The following RILPL1 variants were observed in gnomAD, a reference collection of about 807,000 sequenced individuals.
RILPL1 encodes the protein RILP-like protein 1.
In RILPL1, 33 loss-of-function variants were observed where a neutral mutation model predicts 50.3. The ratio of observed to expected loss-of-function variants is 0.66; its 90% CI spans 0.50 to 0.88. The LOEUF (loss-of-function observed/expected upper bound fraction) is 0.88. Ranked by LOEUF, RILPL1 falls within the 40% of genes least tolerant of loss-of-function variation. The pLI is 0.00. For synonymous variants in RILPL1, 205 were observed against 228.6 expected (o/e 0.90, Z 0.93); for missense variants, 418 against 542.5 (o/e 0.77, Z 2.28).
intron 6 of RILPL1, among the ~76,000 whole-genome samples, chr12:123,476,805 C>T (rs1881623454): frequency 6.6e-6 from 1 of 152,246 alleles, no homozygotes; most frequent in Non-Finnish European, 1.5e-5. Flanking sequence ...TATTTTGTTA[C>T]AGCAGTTCTA....
intron 2 of RILPL1, among the ~76,000 whole-genome samples, chr12:123,512,975 GGTCT>G (rs1291791029): frequency 7.2e-6 from 1 of 138,022 alleles, no homozygotes; most frequent in African/African-American, 2.8e-5. Flanking sequence ...GTGTGTGTGA[GGTCT>G]GTGTGTGGTA....
At chr12:123,480,042 CA>C (rs1881857921) in intron 6 of RILPL1, among the ~76,000 whole-genome samples, 1 of 151,724 alleles carries the variant, frequency 6.6e-6, no homozygotes, top group African/African-American at 2.4e-5. Flanking sequence ...TAGAAAATTA[CA>C]GTTAGAAAAA....
At chr12:123,487,964 T>C (rs1466275697) in intron 4 of RILPL1, among the ~76,000 whole-genome samples, 1 of 152,126 alleles carries the variant, frequency 6.6e-6, no homozygotes, top group Non-Finnish European at 1.5e-5. Flanking sequence ...CAAGGAAGCT[T>C]TTGCAAGTCA....
At chr12:123,516,202 C>T (rs940554377) in intron 2 of RILPL1, among the ~76,000 whole-genome samples, 2 of 152,106 alleles carry the variant, frequency 1.3e-5, no homozygotes, top group Admixed American at 6.6e-5. Flanking sequence ...AACATGGGAA[C>T]GATGATGACC....
intron 2 of RILPL1, among the ~76,000 whole-genome samples, chr12:123,510,739 G>T (rs1343575925): frequency 9.5e-6 from 1 of 105,604 alleles, no homozygotes; most frequent in African/African-American, 3.3e-5. Flanking sequence ...TGTCTGGTGT[G>T]TGTGTGAGGT....
intron 2 of RILPL1, among the ~76,000 whole-genome samples, chr12:123,521,225 T>C (rs1884988488): frequency 6.6e-6 from 1 of 152,060 alleles, no homozygotes; most frequent in African/African-American, 2.4e-5. Flanking sequence ...GACAAGCTTA[T>C]GAGGGAGGTA....
chr12:123,500,016 C>G (rs1883272925), intron 2 of RILPL1, among the ~76,000 whole-genome samples: 1 of 151,760 alleles, frequency 6.6e-6, no homozygotes, highest in Non-Finnish European at 1.5e-5. Flanking sequence ...ACTGCAGGCT[C>G]CTCCTCCCGG....
chr12:123,472,783 G>A, intron 6 of RILPL1, 101 bp from the exon 7 acceptor site: 1 of 1,287,148 alleles, frequency 7.8e-7, no homozygotes, highest in East Asian at 2.5e-5. Context: ...ACTTAGAAGG[G>A]AGCAAATCAA....
chr12:123,523,963 G>A (rs1031514692), intron 1 of RILPL1, among the ~76,000 whole-genome samples: 1 of 152,226 alleles, frequency 6.6e-6, no homozygotes, highest in African/African-American at 2.4e-5. Flanking sequence ...GGATACGGGG[G>A]TCCGAACGTT....
chr12:123,480,168 T>C (rs913444920), intron 6 of RILPL1, among the ~76,000 whole-genome samples: 2 of 150,812 alleles, frequency 1.3e-5, no homozygotes, highest in African/African-American at 2.4e-5. Flanking sequence ...CTTTTTTTTT[T>C]TTTTTTTTTT....
In RILPL1 at chr12:123,503,604, CCTT is replaced by C. The variant is rs1883545241; in HGVS notation, c.461-4071_461-4069del. Among the ~76,000 whole-genome samples the C allele has an allele frequency of 4.6e-5, 7 of 152,150 alleles. No homozygotes were observed. The South Asian group carries it at 1.5e-3, about 32-fold the overall frequency. On this transcript the variant is annotated intron_variant, in intron 2 of 6. Transcript: ENST00000376874. ...AGTCTCTGCCTCTGTGGTCCCGTGG[CCTT>C]CTCCTCTTCTGTCAGTGCCAAATCT...
At chr12:123,504,735 TCA>T (rs757418039) in intron 2 of RILPL1, among the ~76,000 whole-genome samples, 7 of 152,318 alleles carry the variant, frequency 4.6e-5, no homozygotes, top group East Asian at 1.9e-4. Flanking sequence ...GTTTCTAACA[TCA>T]GTCTCATTTT....
At position 123,485,671 on chromosome 12, in the gene RILPL1, C is replaced by A; in HGVS notation, c.936G>T (p.Lys312Asn). 6.2e-7 allele frequency: 1 copy of A among 1,613,852 alleles called. No individual in the cohort carries two copies. The highest frequency in any genetic ancestry group is 8.5e-7 in the Non-Finnish European group (1 of 1,179,798). Reference protein sequence around the residue: ...VLHERNELKSKVFLLQEELAY... With the variant: ...VLHERNELKSNVFLLQEELAY... Reference sequence around the variant, plus strand: ...CCAGCTCCTCCTGCAGCAAGAACACCTTGGACTTGAGCTCGTTCCTCTCGT... The same window carrying A: ...CCAGCTCCTCCTGCAGCAAGAACACATTGGACTTGAGCTCGTTCCTCTCGT... The change falls in exon 5 of 7, where the codon AAG becomes AAT. Residue 312 changes from lysine to asparagine, a missense_variant. Coordinates refer to ENST00000376874, the MANE Select transcript of RILPL1 (RefSeq NM_178314.5). The surrounding 1 kb of genome is among the most constrained non-coding windows in gnomAD (Gnocchi z 4.0).
chr12:123,528,607 T>G (rs1885343814), intron 1 of RILPL1, among the ~76,000 whole-genome samples: 1 of 151,752 alleles, frequency 6.6e-6, no homozygotes, highest in African/African-American at 2.4e-5. Flanking sequence ...TTTTGTATTT[T>G]TAGTAGAGAC....
intron 2 of RILPL1, among the ~76,000 whole-genome samples, chr12:123,506,573 G>A (rs900706859): frequency 1.3e-5 from 2 of 152,170 alleles, no homozygotes; most frequent in African/African-American, 2.4e-5. Context: ...ATTATGGGAA[G>A]TGTGGACAGG....
At chr12:123,508,602 C>T (rs549882995) in intron 2 of RILPL1, among the ~76,000 whole-genome samples, 1 of 152,268 alleles carries the variant, frequency 6.6e-6, no homozygotes, top group South Asian at 2.1e-4. Flanking sequence ...TGAGAAGGTG[C>T]ATTCTGGGGT....
At chr12:123,510,727 T>C (rs1884065235) in intron 2 of RILPL1, among the ~76,000 whole-genome samples, 1 of 121,192 alleles carries the variant, frequency 8.3e-6, no homozygotes, top group African/African-American at 3.0e-5. Flanking sequence ...ATGTGAGGTC[T>C]GTGTCTGGTG....
At chr12:123,510,523 G>GGT (rs1482758868) in intron 2 of RILPL1, among the ~76,000 whole-genome samples, 1 of 126,634 alleles carries the variant, frequency 7.9e-6, no homozygotes, top group African/African-American at 4.1e-5. Flanking sequence ...GTCTGTGTAT[G>GGT]GTGTGTGTGA....
chr12:123,532,499 C>T (rs899161179), intron 1 of RILPL1, among the ~76,000 whole-genome samples: 1 of 152,140 alleles, frequency 6.6e-6, no homozygotes, highest in Non-Finnish European at 1.5e-5. Context: ...CCCACTGTGA[C>T]CCTCGGTTTC....
Sources: allele counts gnomAD v4.1 joint callset (sites outside exome capture counted in the v4.1 genomes callset), GRCh38; gene constraint gnomAD v4.1.1; non-coding constraint Gnocchi (gnomAD v3.1); transcripts MANE v1.5; gene names NCBI Gene and HGNC (gene_info 2026-07-23, HGNC 2026-07-21).